CLVS1: variants seen among roughly 807,000 people sequenced by gnomAD.
CLVS1 encodes clavesin 1.
Under a neutral mutation model 33.1 loss-of-function variants are expected in CLVS1, and 10 were observed. The observed-to-expected ratio is 0.30, with a 90% CI of 0.19 to 0.51. The LOEUF (loss-of-function observed/expected upper bound fraction) is 0.51, where lower values mean the gene tolerates loss of function less well. CLVS1 is among the 20% of genes least tolerant of loss of function. The pLI, the probability that CLVS1 is intolerant of heterozygous loss-of-function variation, is 0.97. For missense variants in CLVS1, 343 were observed against 433.4 expected (o/e 0.79, Z 1.85); for synonymous variants, 163 against 166.1 (o/e 0.98, Z 0.14).
intron 1 of CLVS1, among the ~76,000 whole-genome samples, chr8:61,127,982 A>G (rs1806007124): frequency 6.6e-6 from 1 of 152,258 alleles, no homozygotes. Context: ...ATGGATTTTA[A>G]AAACACAGAG....
intron 2 of CLVS1, among the ~76,000 whole-genome samples, chr8:61,206,787 C>T (rs1315128334): frequency 6.6e-6 from 1 of 152,078 alleles, no homozygotes; most frequent in African/African-American, 2.4e-5. Context: ...AGGGGTTTCA[C>T]CTTGTTAGCC....
the CLVS1 span, among the ~76,000 whole-genome samples, chr8:61,004,941 T>C: frequency 1.4e-5 from 2 of 148,076 alleles, no homozygotes; most frequent in South Asian, 4.4e-4. Flanking sequence ...TGTTTTTTGT[T>C]TAAAACAAAA....
chr8:61,222,989 C>CA (rs35292392), intron 2 of CLVS1, among the ~76,000 whole-genome samples: 70,192 of 141,552 alleles, frequency 0.5, 18,354 homozygotes, highest in East Asian at 0.81. Flanking sequence ...ACTAGGATTG[C>CA]AAAAAAAAAG....
intron 2 of CLVS1, among the ~76,000 whole-genome samples, chr8:61,279,166 C>A (rs776300684): frequency 8.5e-5 from 13 of 152,190 alleles, no homozygotes; most frequent in Admixed American, 7.2e-4. Flanking sequence ...CCTGCCCCAG[C>A]TTTCCTCCTC....
the CLVS1 span, among the ~76,000 whole-genome samples, chr8:60,972,816 T>G: frequency 1.3e-5 from 2 of 152,232 alleles, no homozygotes; most frequent in Non-Finnish European, 2.9e-5. Context: ...CTCCAAAAAT[T>G]CAGGGAGGCA....
At chr8:61,437,996 G>A (rs1009630300) in intron 3 of CLVS1, among the ~76,000 whole-genome samples, 9 of 152,302 alleles carry the variant, frequency 5.9e-5, no homozygotes, top group African/African-American at 2.2e-4. Flanking sequence ...GAATTGATGT[G>A]TGAACTTGGA....
intron 2 of CLVS1, among the ~76,000 whole-genome samples, chr8:61,251,838 A>T (rs1295300981): frequency 6.6e-6 from 1 of 151,576 alleles, no homozygotes; most frequent in Non-Finnish European, 1.5e-5. Context: ...CAGTCTATCT[A>T]TTTTGTTGAT....
At chr8:61,460,005 G>A (rs1450908919) in intron 5 of CLVS1, among the ~76,000 whole-genome samples, 4 of 152,028 alleles carry the variant, frequency 2.6e-5, no homozygotes, top group Admixed American at 6.6e-5. Flanking sequence ...GACACCAGTC[G>A]TATTGAATTA....
intron 3 of CLVS1, 50 bp from the exon 4 acceptor site, chr8:61,454,091 T>G (rs1167084902): frequency 7.7e-7 from 1 of 1,296,044 alleles, no homozygotes; most frequent in Admixed American, 1.7e-5. Flanking sequence ...TGGTCCAGTC[T>G]AACAAGGTGT....
At chr8:61,149,544 T>G in intron 2 of CLVS1, among the ~76,000 whole-genome samples, 1 of 85,468 alleles carries the variant, frequency 1.2e-5, no homozygotes, top group Non-Finnish European at 2.4e-5. Context: ...AGAACGAGAC[T>G]CTGTCTCAAA....
chr8:61,492,622 G>C (rs1219114919), intron 5 of CLVS1, among the ~76,000 whole-genome samples: 3 of 152,160 alleles, frequency 2.0e-5, no homozygotes, highest in South Asian at 2.1e-4. Flanking sequence ...GTACATATAG[G>C]CAAGAGCTGG....
intron 2 of CLVS1, among the ~76,000 whole-genome samples, chr8:61,337,268 C>T (rs1301438775): frequency 2.6e-5 from 4 of 152,232 alleles, no homozygotes; most frequent in Non-Finnish European, 5.9e-5. Context: ...TCTTGTGCCA[C>T]AAGTGGGTGA....
At chr8:61,356,343 A>T in intron 2 of CLVS1, among the ~76,000 whole-genome samples, 1 of 151,436 alleles carries the variant, frequency 6.6e-6, no homozygotes, top group Non-Finnish European at 1.5e-5. Flanking sequence ...GGTTGTGAAA[A>T]TTTTCTCCCA....
chr8:61,073,425 T>C (rs1804838523), intron 1 of CLVS1, among the ~76,000 whole-genome samples: 1 of 152,174 alleles, frequency 6.6e-6, no homozygotes, highest in Admixed American at 6.5e-5. Context: ...TATGTTGTCA[T>C]GAAGATATGT....
At chr8:61,348,846 A>G (rs1812335750) in intron 2 of CLVS1, among the ~76,000 whole-genome samples, 1 of 152,160 alleles carries the variant, frequency 6.6e-6, no homozygotes, top group Non-Finnish European at 1.5e-5. Context: ...CCAACAGTAT[A>G]CAAGTGTTCC....
At chr8:61,285,466 A>G (rs1006430945), upstream of CLVS1, among the ~76,000 whole-genome samples, 2 of 152,184 alleles carry the variant, frequency 1.3e-5, no homozygotes, top group African/African-American at 4.8e-5. Context: ...AGCTCCGCAC[A>G]TGGAAGCTGC....
intron 2 of CLVS1, among the ~76,000 whole-genome samples, chr8:61,159,732 C>G (rs930367020): frequency 6.6e-6 from 1 of 152,164 alleles, no homozygotes; most frequent in Non-Finnish European, 1.5e-5. Context: ...ACCTTCATAC[C>G]TTTAATTTAT....
intron 2 of CLVS1, among the ~76,000 whole-genome samples, chr8:61,338,069 T>C (rs73682258): frequency 0.021 from 3,137 of 152,280 alleles, 112 homozygotes; most frequent in African/African-American, 0.071. Flanking sequence ...GTTTCAACAA[T>C]GTTCAGTCTT....
intron 1 of CLVS1, among the ~76,000 whole-genome samples, chr8:61,064,695 C>T (rs373392185): frequency 2.0e-5 from 3 of 151,852 alleles, no homozygotes; most frequent in African/African-American, 7.3e-5. Context: ...TGCCTGCCAC[C>T]ACGTCCAGCT....
Sources: allele counts gnomAD v4.1 joint callset (sites outside exome capture counted in the v4.1 genomes callset), GRCh38; gene constraint gnomAD v4.1.1; transcripts MANE v1.5; gene names NCBI Gene and HGNC (gene_info 2026-07-23, HGNC 2026-07-21).